The following HYAL4 variants were observed in gnomAD, a reference collection of about 807,000 sequenced individuals.
The protein encoded by HYAL4 is hyaluronidase-4.
HYAL4 carries 37 observed loss-of-function variants against 35.2 expected under a neutral mutation model. That is an observed-to-expected ratio of 1.05 (90% CI 0.81 to 1.38). The LOEUF (loss-of-function observed/expected upper bound fraction) is 1.38, where lower values mean the gene tolerates loss of function less well. Ranked by LOEUF, HYAL4 falls within the 40% of genes most tolerant of loss-of-function variation. HYAL4 has a pLI of 0.00. For missense variants in HYAL4, 572 were observed against 572.4 expected (o/e 1.00, Z 0.01); for synonymous variants, 198 against 203.2 (o/e 0.97, Z 0.22).
At chr7:123,765,124 C>T in the HYAL4 span, among the ~76,000 whole-genome samples, 6 of 152,196 alleles carry the variant, frequency 3.9e-5, no homozygotes, top group East Asian at 1.2e-3. Context: ...TAATAAAAAT[C>T]AATTTCTCAA....
At chr7:123,796,762 G>T in the HYAL4 span, among the ~76,000 whole-genome samples, 1 of 152,130 alleles carries the variant, frequency 6.6e-6, no homozygotes, top group Non-Finnish European at 1.5e-5. Flanking sequence ...CCATGAAAAA[G>T]AATGAAGTGC....
chr7:123,818,951 T>C, the HYAL4 span, among the ~76,000 whole-genome samples: 1 of 152,186 alleles, frequency 6.6e-6, no homozygotes, highest in Admixed American at 6.6e-5. Flanking sequence ...ACATTTAATA[T>C]CCACTCTCTC....
chr7:123,795,735 T>C, the HYAL4 span, among the ~76,000 whole-genome samples: 5 of 152,220 alleles, frequency 3.3e-5, no homozygotes, highest in African/African-American at 1.2e-4. Context: ...GTCTTGGGTA[T>C]GTCTTTACTA....
At chr7:123,770,783 C>CAA in the HYAL4 span, among the ~76,000 whole-genome samples, 19 of 143,824 alleles carry the variant, frequency 1.3e-4, no homozygotes, top group African/African-American at 4.6e-4. Flanking sequence ...AGTAATTTAT[C>CAA]AAAAAAAAAA....
the HYAL4 span, among the ~76,000 whole-genome samples, chr7:123,771,641 G>A: frequency 6.6e-6 from 1 of 152,126 alleles, no homozygotes; most frequent in African/African-American, 2.4e-5. Flanking sequence ...GTTATGGGTA[G>A]TTTGTACATA....
intron 2 of HYAL4, among the ~76,000 whole-genome samples, chr7:123,849,860 C>G (rs544150096): frequency 1.3e-5 from 2 of 152,142 alleles, no homozygotes; most frequent in Admixed American, 6.6e-5. Context: ...GAGCCAGACT[C>G]TCTCACAAAT....
chr7:123,873,143 C>T (rs1806925130), intron 3 of HYAL4, among the ~76,000 whole-genome samples: 1 of 152,118 alleles, frequency 6.6e-6, no homozygotes, highest in Non-Finnish European at 1.5e-5. Context: ...GCAGACTCAG[C>T]AGAGTCTGCA....
the HYAL4 span, among the ~76,000 whole-genome samples, chr7:123,804,165 C>T: frequency 6.6e-6 from 1 of 152,188 alleles, no homozygotes; most frequent in Non-Finnish European, 1.5e-5. Context: ...TGTGAATAAA[C>T]ACAGTAGCAA....
At chr7:123,846,216 A>G (rs1035202831) in intron 1 of HYAL4, among the ~76,000 whole-genome samples, 5 of 152,086 alleles carry the variant, frequency 3.3e-5, no homozygotes, top group Non-Finnish European at 7.3e-5. Context: ...TCCCAAAAGT[A>G]TATGCCCTTT....
intron 1 of HYAL4, among the ~76,000 whole-genome samples, chr7:123,834,342 C>T (rs774732851): frequency 9.2e-5 from 14 of 151,650 alleles, no homozygotes; most frequent in South Asian, 4.2e-4. Context: ...GTTTTTTTTG[C>T]GGTTATTGTA....
intron 1 of HYAL4, among the ~76,000 whole-genome samples, chr7:123,839,471 A>G (rs1268834686): frequency 6.6e-6 from 1 of 152,236 alleles, no homozygotes; most frequent in Non-Finnish European, 1.5e-5. Context: ...TTATAATAGC[A>G]TGATTTATAA....
the HYAL4 span, among the ~76,000 whole-genome samples, chr7:123,787,791 A>G: frequency 6.6e-6 from 1 of 152,342 alleles, no homozygotes; most frequent in African/African-American, 2.4e-5. Context: ...AATTGCAGTG[A>G]CAGCAAACTT....
chr7:123,809,923 A>C, the HYAL4 span, among the ~76,000 whole-genome samples: 1 of 152,232 alleles, frequency 6.6e-6, no homozygotes, highest in Non-Finnish European at 1.5e-5. Context: ...ACTGAAGAGC[A>C]GACTAAACCC....
chr7:123,802,075 G>A, the HYAL4 span, among the ~76,000 whole-genome samples: 1 of 152,116 alleles, frequency 6.6e-6, no homozygotes, highest in East Asian at 1.9e-4. Flanking sequence ...TGTGTGAGAA[G>A]AAACTGAGCA....
chr7:123,870,081 T>C (rs907085487), intron 3 of HYAL4, among the ~76,000 whole-genome samples: 5 of 152,200 alleles, frequency 3.3e-5, no homozygotes, highest in African/African-American at 1.2e-4. Context: ...TGCAGTGATG[T>C]TTTAAGGTAT....
intron 2 of HYAL4, among the ~76,000 whole-genome samples, chr7:123,851,706 T>C (rs1806308972): frequency 6.6e-6 from 1 of 152,196 alleles, no homozygotes; most frequent in South Asian, 2.1e-4. Context: ...TGAACACTTG[T>C]GGATGTGTCT....
the HYAL4 span, among the ~76,000 whole-genome samples, chr7:123,821,566 T>C: frequency 2.0e-5 from 3 of 152,202 alleles, no homozygotes; most frequent in African/African-American, 7.2e-5. Context: ...ATCAGACATA[T>C]GGTTTGGAAA....
Position 123,868,856 on chromosome 7 carries a change from G to A in HYAL4, c.583G>A (p.Ala195Thr), listed in dbSNP as rs780435000. 6.2e-7 allele frequency: 1 copy of A among 1,614,166 alleles called. No individual in the cohort carries two copies. Among genetic ancestry groups the A allele is most frequent in the East Asian group, 2.2e-5 (1 of 44,886 alleles). The stretch of plus-strand genomic sequence containing the variant: ...AGCCAAAGTGACCTTTGAAGAAAGT[G>A]CAAAAGCTTTCATGAAGGAAACCAT... Reference protein sequence around the residue: ...YLAKVTFEESAKAFMKETIKL... With the variant: ...YLAKVTFEESTKAFMKETIKL... Residue 195 changes from alanine to threonine, a missense_variant, in exon 3 of 5, where the codon GCA becomes ACA. By Grantham distance (58) the Ala-to-Thr change is moderately conservative. Transcript: ENST00000223026.
the HYAL4 span, among the ~76,000 whole-genome samples, chr7:123,821,284 G>T: frequency 6.6e-6 from 1 of 152,074 alleles, no homozygotes; most frequent in African/African-American, 2.4e-5. Context: ...AACAGGGTAT[G>T]GGGGTTCCCA....
Sources: gnomAD v4.1 joint callset for allele counts (sites outside exome capture counted in the v4.1 genomes callset) on GRCh38, gnomAD v4.1.1 for gene constraint, MANE v1.5 for transcripts, NCBI Gene and HGNC (gene_info 2026-07-23, HGNC 2026-07-21) for gene names.